The following FOXP2 variants were observed in gnomAD, a reference collection of about 807,000 sequenced individuals.
FOXP2 encodes forkhead box P2.
FOXP2 carries 12 observed loss-of-function variants against 115.8 expected under a neutral mutation model. The ratio of observed to expected loss-of-function variants is 0.10; its 90% CI spans 0.07 to 0.17. FOXP2 has a LOEUF of 0.17. Ranked by LOEUF, FOXP2 falls within the 10% of genes least tolerant of loss-of-function variation. FOXP2 has a pLI of 1.00. For synonymous variants in FOXP2, 328 were observed against 297.7 expected (o/e 1.10, Z -1.05); for missense variants, 629 against 843.5 (o/e 0.75, Z 3.15).
chr7:114,480,729 ACGTATATATG>A lies in FOXP2; in HGVS notation c.169-53887_169-53878del, dbSNP rs1796496976. Among the ~76,000 whole-genome samples, 3 of 150,620 alleles carry A rather than the reference ACGTATATATG, an allele frequency of 2.0e-5. No homozygotes were observed. The South Asian group carries it at 6.2e-4, about 31-fold the overall frequency. On this transcript the variant is annotated intron_variant, in intron 2 of 16. Coordinates refer to ENST00000350908, the MANE Select transcript of FOXP2 (RefSeq NM_014491.4). ...CATATGTGCATGTATATACATATAC[ACGTATATATG>A]TGTATGTATGTATACGTATATATAT... is the stretch of plus-strand genomic sequence containing the variant.
intron 3 of FOXP2, among the ~76,000 whole-genome samples, chr7:114,620,953 G>A (rs1804218550): frequency 6.6e-6 from 1 of 151,980 alleles, no homozygotes; most frequent in African/African-American, 2.4e-5. Flanking sequence ...ACATTATTTT[G>A]AGGATAAATT....
chr7:114,529,321 G>GAAATAT (rs1799026705), intron 2 of FOXP2, among the ~76,000 whole-genome samples: 1 of 151,812 alleles, frequency 6.6e-6, no homozygotes, highest in Non-Finnish European at 1.5e-5. Flanking sequence ...ATTGGGTTTG[G>GAAATAT]ACTTGAACCT....
At chr7:114,191,097 T>C (rs1793748039) in intron 1 of FOXP2, among the ~76,000 whole-genome samples, 1 of 152,222 alleles carries the variant, frequency 6.6e-6, no homozygotes, top group Admixed American at 6.5e-5. Flanking sequence ...ATAACTCACG[T>C]ATTAGCATTC....
chr7:114,593,515 T>C (rs569848064), intron 3 of FOXP2, among the ~76,000 whole-genome samples: 1 of 152,182 alleles, frequency 6.6e-6, no homozygotes, highest in South Asian at 2.1e-4. Context: ...TGATCAATGA[T>C]AAAAATCATT....
intron 10 of FOXP2, among the ~76,000 whole-genome samples, chr7:114,657,558 A>G (rs959826533): frequency 6.6e-6 from 1 of 152,180 alleles, no homozygotes; most frequent in African/African-American, 2.4e-5. Context: ...ATTCCACCAA[A>G]TTAGCAAGGA....
rs1290524380 is a variant in FOXP2, at chr7:114,679,743, C to A, written c.2004-10039C>A. Among the ~76,000 whole-genome samples, 3 of 152,040 alleles carry A rather than the reference C, an allele frequency of 2.0e-5. No individual in the cohort carries two copies. The East Asian group carries it at 5.8e-4, about 29-fold the overall frequency. On this transcript the variant is annotated intron_variant, in intron 16 of 16. Transcript: ENST00000350908. ...CATCTCTGCATAATAAAAATTTTCA[C>A]CTATTACAAAGCCTACGTGAAGCTA...
intron 1 of FOXP2, among the ~76,000 whole-genome samples, chr7:114,125,330 A>G (rs1380650354): frequency 6.6e-6 from 1 of 152,134 alleles, no homozygotes; most frequent in Non-Finnish European, 1.5e-5. Flanking sequence ...GAGAAAAAGG[A>G]CGTAGTTTTT....
At chr7:114,603,879 C>G (rs200667826) in intron 3 of FOXP2, among the ~76,000 whole-genome samples, 2 of 152,230 alleles carry the variant, frequency 1.3e-5, no homozygotes, top group East Asian at 3.9e-4. Flanking sequence ...CCTTTAGCTT[C>G]ACAGCATGGT....
chr7:114,405,697 T>C (rs1793019621), intron 2 of FOXP2, among the ~76,000 whole-genome samples: 1 of 151,874 alleles, frequency 6.6e-6, no homozygotes, highest in South Asian at 2.1e-4. Context: ...TTAAGTGATA[T>C]ACATGGTTAT....
At chr7:114,603,052 T>C (rs1803119058) in intron 3 of FOXP2, among the ~76,000 whole-genome samples, 1 of 152,122 alleles carries the variant, frequency 6.6e-6, no homozygotes, top group African/African-American at 2.4e-5. Context: ...AGTGGGCCAG[T>C]GTGTGCAGCA....
intron 16 of FOXP2, among the ~76,000 whole-genome samples, chr7:114,670,475 C>T (rs542521384): frequency 6.6e-6 from 1 of 152,120 alleles, no homozygotes; most frequent in East Asian, 1.9e-4. Flanking sequence ...ACATCCTCTT[C>T]TTCTTCATAA....
chr7:114,115,854 C>T (rs140704615), intron 1 of FOXP2, among the ~76,000 whole-genome samples: 118 of 152,200 alleles, frequency 7.8e-4, no homozygotes, highest in African/African-American at 1.9e-3. Flanking sequence ...ACTTGCATGG[C>T]ACCTGGTGTA....
intron 1 of FOXP2, among the ~76,000 whole-genome samples, chr7:114,228,352 T>C (rs866733162): frequency 2.0e-5 from 3 of 152,016 alleles, no homozygotes; most frequent in Non-Finnish European, 2.9e-5. Flanking sequence ...TGCCCTCAAT[T>C]GGTGCCTTTA....
At chr7:114,290,390 C>T (rs1279861576) in intron 2 of FOXP2, among the ~76,000 whole-genome samples, 1 of 151,872 alleles carries the variant, frequency 6.6e-6, no homozygotes, top group Non-Finnish European at 1.5e-5. Flanking sequence ...TCAAGATATT[C>T]AGTTATTTTC....
chr7:114,145,556 C>T (rs1469631472), intron 1 of FOXP2, among the ~76,000 whole-genome samples: 5 of 148,042 alleles, frequency 3.4e-5, no homozygotes, highest in East Asian at 2.0e-4. Context: ...GGTGTGATCT[C>T]GGCTCACTGC....
At chr7:114,138,393 CTTTT>C (rs34769199) in intron 1 of FOXP2, among the ~76,000 whole-genome samples, 2 of 138,488 alleles carry the variant, frequency 1.4e-5, no homozygotes, top group Non-Finnish European at 3.1e-5. Context: ...TAAGCCTATT[CTTTT>C]TTTTTTTTTT....
chr7:114,542,220 A>G (rs1799696847), intron 3 of FOXP2, among the ~76,000 whole-genome samples: 1 of 151,698 alleles, frequency 6.6e-6, no homozygotes, highest in African/African-American at 2.4e-5. Context: ...TGTCTATTTT[A>G]CTTTATTGCT....
At chr7:114,275,303 A>G (rs1413906936) in intron 1 of FOXP2, among the ~76,000 whole-genome samples, 1 of 151,976 alleles carries the variant, frequency 6.6e-6, no homozygotes, top group Non-Finnish European at 1.5e-5. Context: ...TATATTAGAC[A>G]TTGTGTAGTT....
chr7:114,214,871 A>G (rs1794449215), intron 1 of FOXP2, among the ~76,000 whole-genome samples: 3 of 152,180 alleles, frequency 2.0e-5, no homozygotes. Context: ...ATGATATCCT[A>G]GTAGTGATAA....
Sources: allele counts gnomAD v4.1 joint callset (sites outside exome capture counted in the v4.1 genomes callset), GRCh38; gene constraint gnomAD v4.1.1; transcripts MANE v1.5; gene names NCBI Gene and HGNC (gene_info 2026-07-23, HGNC 2026-07-21).